PACRG: variants seen among roughly 807,000 people sequenced by gnomAD.
PACRG encodes the protein parkin coregulated gene protein.
Under a neutral mutation model 29.7 loss-of-function variants are expected in PACRG, and 29 were observed. The observed-to-expected ratio is 0.98, with a 90% confidence interval of 0.73 to 1.33. The LOEUF (loss-of-function observed/expected upper bound fraction) is 1.33. Ranked by LOEUF, PACRG falls within the 40% of genes most tolerant of loss-of-function variation. The probability of loss-of-function intolerance (pLI) is 0.00; values close to 1 mark genes in which losing one functional copy is unlikely to be tolerated. For synonymous variants in PACRG, 116 were observed against 118.7 expected (o/e 0.98, Z 0.15); for missense variants, 279 against 316.2 (o/e 0.88, Z 0.89).
At chr6:163,275,482 A>G (rs988555298) in intron 4 of PACRG, among the ~76,000 whole-genome samples, 3 of 152,202 alleles carry the variant, frequency 2.0e-5, no homozygotes, top group African/African-American at 7.2e-5. Context: ...GCAAGAAATG[A>G]TATTTCCCAA....
At chr6:163,000,785 G>T (rs185640129) in intron 2 of PACRG, among the ~76,000 whole-genome samples, 1 of 152,332 alleles carries the variant, frequency 6.6e-6, no homozygotes, top group East Asian at 1.9e-4. Context: ...CTCTGTGTTA[G>T]AAAAGGAAGA....
At chr6:163,222,521 G>A (rs1001278289) in intron 4 of PACRG, among the ~76,000 whole-genome samples, 4 of 152,134 alleles carry the variant, frequency 2.6e-5, no homozygotes, top group Admixed American at 2.0e-4. Flanking sequence ...CGGAGGTTGC[G>A]GTGAGCTGAG....
chr6:163,116,581 C>T lies in PACRG; in HGVS notation c.613+27173C>T, dbSNP rs563687865. ...ACCAGCGACAGCAGTCCAGGTATGA[C>T]GGAAATGAAAATGTTAGCCATGGCT... On this transcript the variant is annotated intron_variant, in intron 4 of 4. Transcript: ENST00000366888. Among the ~76,000 whole-genome samples, 7 of 151,622 alleles carry T rather than the reference C, an allele frequency of 4.6e-5. No homozygotes were observed. The East Asian group carries it at 1.2e-3, about 25-fold the overall frequency.
chr6:163,074,802 A>G (rs1812392160), intron 3 of PACRG, among the ~76,000 whole-genome samples: 1 of 152,166 alleles, frequency 6.6e-6, no homozygotes, highest in African/African-American at 2.4e-5. Context: ...TACGAATAAC[A>G]TTGATAAATA....
chr6:163,294,182 CATT>C (rs1784709713), intron 4 of PACRG, among the ~76,000 whole-genome samples: 1 of 151,962 alleles, frequency 6.6e-6, no homozygotes, highest in Non-Finnish European at 1.5e-5. Flanking sequence ...TTTCATAAAA[CATT>C]AAAAATATAT....
intron 4 of PACRG, among the ~76,000 whole-genome samples, chr6:163,157,629 A>G (rs987620670): frequency 2.0e-4 from 30 of 152,310 alleles, no homozygotes; most frequent in African/African-American, 6.7e-4. Flanking sequence ...CTCTCACACT[A>G]ATATAAGAAC....
chr6:163,021,238 G>A (rs530794062), intron 2 of PACRG, among the ~76,000 whole-genome samples: 6 of 152,066 alleles, frequency 3.9e-5, no homozygotes, highest in Non-Finnish European at 7.4e-5. Context: ...TCATAACCTC[G>A]CAGCTCCCAC....
chr6:163,061,937 G>A (rs1811130831), intron 2 of PACRG, among the ~76,000 whole-genome samples: 1 of 152,174 alleles, frequency 6.6e-6, no homozygotes, highest in Non-Finnish European at 1.5e-5. Flanking sequence ...AGATTTAACT[G>A]TTAAGGTCTA....
At chr6:163,090,716 G>A (rs774262140) in intron 4 of PACRG, among the ~76,000 whole-genome samples, 25 of 152,094 alleles carry the variant, frequency 1.6e-4, no homozygotes, top group Non-Finnish European at 2.6e-4. Flanking sequence ...AACTAAGGTC[G>A]ATAAAAGAAA....
At chr6:163,183,369 G>A (rs1779764817) in intron 4 of PACRG, 1 of 152,210 alleles carries the variant, frequency 6.6e-6, no homozygotes, top group Non-Finnish European at 1.5e-5. Flanking sequence ...CAAGATCATG[G>A]GAAATCATTG....
intron 2 of PACRG, among the ~76,000 whole-genome samples, chr6:162,947,573 C>CATATAATCATAT (rs1562766852): frequency 1.7e-5 from 1 of 57,404 alleles, no homozygotes; most frequent in African/African-American, 6.7e-5. Context: ...TATATATACT[C>CATATAATCATAT]ATATATAATC....
At chr6:163,255,948 T>A (rs1297984753) in intron 4 of PACRG, among the ~76,000 whole-genome samples, 1 of 152,214 alleles carries the variant, frequency 6.6e-6, no homozygotes, top group African/African-American at 2.4e-5. Flanking sequence ...TGATTCTTAC[T>A]GGAAGCAAGG....
intron 4 of PACRG, among the ~76,000 whole-genome samples, chr6:163,207,129 A>T (rs940683173): frequency 2.6e-5 from 4 of 152,200 alleles, no homozygotes; most frequent in Non-Finnish European, 5.9e-5. Context: ...AGATTTCTTT[A>T]AATGAAATGA....
intron 1 of PACRG, among the ~76,000 whole-genome samples, chr6:162,756,452 G>A (rs548117206): frequency 6.6e-6 from 1 of 152,022 alleles, no homozygotes; most frequent in South Asian, 2.1e-4. Flanking sequence ...TGTGTTATAA[G>A]TGTAGCTACT....
chr6:163,181,849 C>T (rs1014336387), intron 4 of PACRG, among the ~76,000 whole-genome samples: 12 of 152,082 alleles, frequency 7.9e-5, no homozygotes, highest in Non-Finnish European at 1.5e-4. Flanking sequence ...TTCCAAGGCC[C>T]GGGAGGCGCG....
intron 3 of PACRG, among the ~76,000 whole-genome samples, chr6:163,074,044 A>G (rs1202350228): frequency 4.6e-5 from 7 of 152,228 alleles, no homozygotes; most frequent in Admixed American, 4.6e-4. Context: ...GAGAGCTGCC[A>G]TGCAATCCAG....
At chr6:163,095,587 T>G (rs1814502120) in intron 4 of PACRG, 1 of 328,336 alleles carries the variant, frequency 3.0e-6, no homozygotes, top group Non-Finnish European at 4.3e-6. Context: ...GAAGCCTCCT[T>G]CCTGCTGCTT....
chr6:163,059,704 C>T (rs1414747128), intron 2 of PACRG, among the ~76,000 whole-genome samples: 1 of 152,150 alleles, frequency 6.6e-6, no homozygotes, highest in Non-Finnish European at 1.5e-5. Context: ...TTAAATCTCT[C>T]TCTGTTTCAA....
At chr6:162,772,320 G>A (rs556852848) in intron 1 of PACRG, among the ~76,000 whole-genome samples, 4 of 152,142 alleles carry the variant, frequency 2.6e-5, no homozygotes, top group Non-Finnish European at 5.9e-5. Context: ...GCTTCCAGGG[G>A]TGTAACTGAG....
Sources: allele counts gnomAD v4.1 joint callset (sites outside exome capture counted in the v4.1 genomes callset), GRCh38; gene constraint gnomAD v4.1.1; transcripts MANE v1.5; gene names NCBI Gene and HGNC (gene_info 2026-07-23, HGNC 2026-07-21).